The following TFB1M variants were observed in gnomAD, a reference collection of about 807,000 sequenced individuals.
The protein encoded by TFB1M is dimethyladenosine transferase 1, mitochondrial.
A neutral mutation model predicts 31.1 loss-of-function variants in TFB1M; 27 were observed. The ratio of observed to expected loss-of-function variants is 0.87; its 90% CI spans 0.64 to 1.20. The LOEUF is 1.20. Among genes scored for constraint, TFB1M ranks in the 50% most tolerant of loss-of-function variants. The pLI, the probability that TFB1M is intolerant of heterozygous loss-of-function variation, is 0.00. For missense variants in TFB1M, 394 were observed against 418.7 expected, an observed-to-expected ratio of 0.94 and a Z score of 0.51; for synonymous variants, 166 against 151.8, an observed-to-expected ratio of 1.09 and a Z score of -0.69.
At chr6:155,300,759 T>C (rs1404730911) in intron 2 of TFB1M, among the ~76,000 whole-genome samples, 1 of 152,114 alleles carries the variant, frequency 6.6e-6, no homozygotes, top group Non-Finnish European at 1.5e-5. Context: ...GCTAATATAA[T>C]ATAAATAAAT....
At chr6:155,263,163 ATTT>A (rs767899820) in intron 5 of TFB1M, among the ~76,000 whole-genome samples, 6 of 152,112 alleles carry the variant, frequency 3.9e-5, no homozygotes, top group Admixed American at 2.6e-4. Flanking sequence ...GATGGAGCCC[ATTT>A]TTTTCTAGAA....
rs779419703 is a variant in TFB1M, at chr6:155,311,161, C to T, written c.285+27G>A. On this transcript the variant is annotated intron_variant, in intron 2 of 6. Transcript: ENST00000367166. The stretch of plus-strand genomic sequence containing the variant: ...AAGATTTAAATTCAGCTTTTGCCTC[C>T]TAAAGCAGACACTTTAAGCATCTCA... 8.2e-5 allele frequency: 132 copies of T among 1,613,326 alleles called. No homozygotes were observed. In the East Asian group the frequency reaches 2.8e-3, roughly 34 times the overall value.
intron 5 of TFB1M, among the ~76,000 whole-genome samples, chr6:155,269,657 G>T (rs2114694856): frequency 6.6e-6 from 1 of 152,198 alleles, no homozygotes; most frequent in East Asian, 1.9e-4. Context: ...TTATCTGCTA[G>T]GTTTGTCTTG....
chr6:155,251,637 A>G (rs1047791791), downstream of TFB1M, among the ~76,000 whole-genome samples: 3 of 152,196 alleles, frequency 2.0e-5, no homozygotes, highest in Non-Finnish European at 4.4e-5. Flanking sequence ...TTTAATTCTG[A>G]GAGTTGGGAG....
At chr6:155,235,021 G>GAGGGGA in the TFB1M span, among the ~76,000 whole-genome samples, 1 of 151,578 alleles carries the variant, frequency 6.6e-6, no homozygotes, top group Non-Finnish European at 1.5e-5. Flanking sequence ...CACAGCTAGA[G>GAGGGGA]ACAGAGCACA....
chr6:155,285,819 TCAAA>T (rs752652123), intron 4 of TFB1M, among the ~76,000 whole-genome samples: 3 of 152,178 alleles, frequency 2.0e-5, no homozygotes, highest in African/African-American at 7.2e-5. Context: ...TTTTAAACAC[TCAAA>T]CATTTTTGTT....
intron 5 of TFB1M, among the ~76,000 whole-genome samples, chr6:155,265,768 A>G (rs1046016077): frequency 7.5e-5 from 11 of 146,332 alleles, no homozygotes; most frequent in Non-Finnish European, 1.5e-4. Context: ...TATTTAATAT[A>G]TAATATGTAA....
At chr6:155,255,087 T>A (rs905755387), downstream of TFB1M, 3 of 154,518 alleles carry the variant, frequency 1.9e-5, no homozygotes, top group Non-Finnish European at 4.3e-5. Context: ...ATACATTTCA[T>A]GAGATACTCA....
chr6:155,289,465 CACTT>C (rs1031303934), intron 4 of TFB1M, among the ~76,000 whole-genome samples: 1 of 152,152 alleles, frequency 6.6e-6, no homozygotes, highest in Non-Finnish European at 1.5e-5. Context: ...GATTAGTTCT[CACTT>C]ACTGCTTAAC....
At chr6:155,306,146 A>C (rs1777752152) in intron 2 of TFB1M, among the ~76,000 whole-genome samples, 1 of 152,178 alleles carries the variant, frequency 6.6e-6, no homozygotes, top group Admixed American at 6.5e-5. Flanking sequence ...AAACCACAAG[A>C]GGATACCATT....
chr6:155,248,190 G>A, the TFB1M span: 233 of 1,611,196 alleles, frequency 1.4e-4, 2 homozygotes, highest in East Asian at 3.9e-3. Context: ...GTGAGGCGGC[G>A]GCGGCACCTC....
At chr6:155,230,662 A>G in the TFB1M span, among the ~76,000 whole-genome samples, 1 of 152,188 alleles carries the variant, frequency 6.6e-6, no homozygotes, top group African/African-American at 2.4e-5. Context: ...TTCAACCGCT[A>G]TAAAAAAATG....
intron 5 of TFB1M, among the ~76,000 whole-genome samples, chr6:155,270,855 A>G (rs1192711912): frequency 6.6e-6 from 1 of 152,206 alleles, no homozygotes; most frequent in Admixed American, 6.5e-5. Flanking sequence ...AGTGTCTGCA[A>G]TTCAACTCAA....
At position 155,281,117 on chromosome 6, in the gene TFB1M, T is replaced by C. The variant is rs558051322; in HGVS notation, c.666+4041A>G. 5.9e-5 allele frequency among the ~76,000 whole-genome samples: 9 copies of C among 152,356 alleles called. No individual in the cohort carries two copies. In the East Asian group the frequency reaches 1.7e-3, roughly 29 times the overall value. ...TACTACAACTTAGTCCATAAATATTTGTTTATATCATAACAATAACAACTA... is the reference window on the plus strand; with the variant it reads ...TACTACAACTTAGTCCATAAATATTCGTTTATATCATAACAATAACAACTA... On this transcript the variant is annotated intron_variant, in intron 5 of 6. Coordinates refer to ENST00000367166, the MANE Select transcript of TFB1M (RefSeq NM_016020.4).
chr6:155,283,804 T>C (rs761173089), intron 5 of TFB1M, among the ~76,000 whole-genome samples: 1 of 152,252 alleles, frequency 6.6e-6, no homozygotes, highest in Non-Finnish European at 1.5e-5. Flanking sequence ...TGCACACACA[T>C]GTGCATGACA....
rs1784021183 is a variant in TFB1M, at chr6:155,256,313, G to A, written c.*1523C>T. 2 of 941,748 alleles carry A rather than the reference G, an allele frequency of 2.1e-6. No homozygotes were observed. The highest frequency in any genetic ancestry group is 1.8e-5 in the South Asian group (1 of 57,008). 58.3% of individuals were successfully genotyped at this position (941,748 alleles called of 1,614,324 possible). On this transcript the variant is annotated 3_prime_UTR_variant, in exon 7 of 7. Coordinates refer to ENST00000367166, the MANE Select transcript of TFB1M (RefSeq NM_016020.4). ...ACAACTGTAAACCTAAGTCAAAAAT[G>A]TCCATGTTTTCAGTAGCTACATTTT... is the stretch of plus-strand genomic sequence containing the variant.
rs75349571 is a variant in TFB1M at position 155,308,278 on chromosome 6, T to C, written c.285+2910A>G. Among the ~76,000 whole-genome samples the C allele has an allele frequency of 3.7e-3, 556 of 152,298 alleles. 1 individual carries two copies. The highest frequency in any genetic ancestry group is 6.7e-3 in the Admixed American group (103 of 15,286). Reference sequence around the variant, plus strand: ...TGATGAGTTGGAAAACACCCCAATGTTTCCATAGCACTGGAGAATTTTCTA... The same window carrying C: ...TGATGAGTTGGAAAACACCCCAATGCTTCCATAGCACTGGAGAATTTTCTA... On this transcript the variant is annotated intron_variant, in intron 2 of 6. Transcript: ENST00000367166.
intron 5 of TFB1M, chr6:155,264,433 C>G (rs1204879284): frequency 6.6e-6 from 1 of 152,174 alleles, no homozygotes; most frequent in Non-Finnish European, 1.5e-5. Flanking sequence ...GATCCATGTC[C>G]AAAAGCCAAT....
chr6:155,296,009 T>C (rs556655211), intron 4 of TFB1M, among the ~76,000 whole-genome samples: 6 of 152,134 alleles, frequency 3.9e-5, no homozygotes, highest in African/African-American at 1.2e-4. Context: ...CTTGTACTTA[T>C]ATGTCATAAT....
Sources: allele counts gnomAD v4.1 joint callset (sites outside exome capture counted in the v4.1 genomes callset), GRCh38; gene constraint gnomAD v4.1.1; transcripts MANE v1.5; gene names NCBI Gene and HGNC (gene_info 2026-07-23, HGNC 2026-07-21).